Variants in ZCWPW2 observed in about 807,000 individuals in gnomAD.
ZCWPW2 encodes zinc finger CW-type PWWP domain protein 2.
ZCWPW2 carries 45 observed loss-of-function variants against 46.6 expected under a neutral mutation model. The ratio of observed to expected loss-of-function variants is 0.96; its 90% CI spans 0.76 to 1.24. ZCWPW2 has a LOEUF of 1.24. ZCWPW2 is among the 50% of genes most tolerant of loss of function. ZCWPW2 has a pLI of 0.00. For missense variants in ZCWPW2, 429 were observed against 403.9 expected (o/e 1.06, Z -0.53); for synonymous variants, 152 against 137.1 (o/e 1.11, Z -0.76).
At chr3:28,381,268 C>G (rs1298207559) in intron 1 of ZCWPW2, among the ~76,000 whole-genome samples, 2 of 150,870 alleles carry the variant, frequency 1.3e-5, no homozygotes, top group African/African-American at 4.9e-5. Flanking sequence ...TGACTGAAAC[C>G]CTTAACAATA....
chr3:28,482,979 A>C (rs1699481794), intron 5 of ZCWPW2, among the ~76,000 whole-genome samples: 1 of 152,204 alleles, frequency 6.6e-6, no homozygotes, highest in Non-Finnish European at 1.5e-5. Context: ...AATCTTTGGC[A>C]GAGCAGACAT....
At chr3:28,439,596 G>T (rs1697664357) in intron 4 of ZCWPW2, among the ~76,000 whole-genome samples, 1 of 152,040 alleles carries the variant, frequency 6.6e-6, no homozygotes, top group Non-Finnish European at 1.5e-5. Context: ...CACATCTCCT[G>T]AGATCATACA....
intron 8 of ZCWPW2, 136 bp from the exon 9 acceptor site, chr3:28,520,856 A>G: frequency 9.7e-7 from 1 of 1,032,046 alleles, no homozygotes; most frequent in South Asian, 1.7e-5. Context: ...GAAGTCATGT[A>G]TGAAAATTAT....
chr3:28,435,490 T>C (rs1408673213), intron 4 of ZCWPW2, among the ~76,000 whole-genome samples: 2 of 148,624 alleles, frequency 1.3e-5, no homozygotes, highest in African/African-American at 4.9e-5. Context: ...TCTGTCTTTT[T>C]TTTTTTTTTT....
chr3:28,396,348 A>G (rs757099621), intron 2 of ZCWPW2, among the ~76,000 whole-genome samples: 25 of 152,162 alleles, frequency 1.6e-4, no homozygotes, highest in Non-Finnish European at 2.9e-5. Flanking sequence ...TATTTTATTA[A>G]TCACTTCAAG....
chr3:28,356,767 C>A (rs1159783413), intron 1 of ZCWPW2, among the ~76,000 whole-genome samples: 1 of 152,168 alleles, frequency 6.6e-6, no homozygotes, highest in East Asian at 1.9e-4. Context: ...GTAAACCAAA[C>A]ACCGCATGTT....
At chr3:28,380,022 G>A (rs1403822220) in intron 1 of ZCWPW2, among the ~76,000 whole-genome samples, 4 of 151,426 alleles carry the variant, frequency 2.6e-5, no homozygotes, top group South Asian at 4.2e-4. Context: ...TAGCTCTGTC[G>A]CTCAGGCTGG....
intron 1 of ZCWPW2, among the ~76,000 whole-genome samples, chr3:28,380,638 C>G (rs1695013593): frequency 1.3e-5 from 2 of 152,052 alleles, no homozygotes; most frequent in South Asian, 4.2e-4. Flanking sequence ...CACAATCAAC[C>G]ATTTAGTTTT....
At chr3:28,428,835 T>G (rs551738490) in intron 3 of ZCWPW2, among the ~76,000 whole-genome samples, 2 of 152,290 alleles carry the variant, frequency 1.3e-5, no homozygotes, top group East Asian at 1.9e-4. Flanking sequence ...CCTGCTGTCA[T>G]GTGAAGAAGG....
chr3:28,362,304 A>T, intron 1 of ZCWPW2, among the ~76,000 whole-genome samples: 1 of 143,552 alleles, frequency 7.0e-6, no homozygotes, highest in East Asian at 2.0e-4. Flanking sequence ...GTTTCATATT[A>T]TATTATTAAA....
chr3:28,400,382 G>A (rs1695871524), intron 2 of ZCWPW2, among the ~76,000 whole-genome samples: 1 of 152,142 alleles, frequency 6.6e-6, no homozygotes, highest in Admixed American at 6.6e-5. Context: ...AATAATCAAG[G>A]AAAGCTTCTT....
At chr3:28,391,374 CACAT>C (rs947991514) in intron 2 of ZCWPW2, among the ~76,000 whole-genome samples, 1 of 93,424 alleles carries the variant, frequency 1.1e-5, no homozygotes, top group African/African-American at 3.0e-5. Flanking sequence ...CACACACACA[CACAT>C]GCACACACAC....
At chr3:28,451,470 C>T (rs192629925) in intron 4 of ZCWPW2, among the ~76,000 whole-genome samples, 4 of 152,298 alleles carry the variant, frequency 2.6e-5, no homozygotes, top group African/African-American at 4.8e-5. Flanking sequence ...TGTTTTCTCA[C>T]ATTTGTACCT....
chr3:28,484,984 A>C (rs548934360), intron 5 of ZCWPW2, among the ~76,000 whole-genome samples: 1 of 152,154 alleles, frequency 6.6e-6, no homozygotes, highest in East Asian at 1.9e-4. Context: ...CCAAAGTAAA[A>C]GCTTAGATTA....
chr3:28,428,822 T>C (rs752473943), intron 3 of ZCWPW2, among the ~76,000 whole-genome samples: 1 of 152,156 alleles, frequency 6.6e-6, no homozygotes, highest in Non-Finnish European at 1.5e-5. Context: ...CTCACTTCTC[T>C]CTCCTGCTGT....
intron 1 of ZCWPW2, among the ~76,000 whole-genome samples, chr3:28,367,913 C>T (rs2125699124): frequency 1.3e-5 from 2 of 152,238 alleles, no homozygotes; most frequent in East Asian, 3.9e-4. Flanking sequence ...GCCTCTTCGT[C>T]TCTTTTGATC....
chr3:28,434,975 A>T (rs1697423114), intron 3 of ZCWPW2, 135 bp from the exon 4 acceptor site: 10 of 868,712 alleles, frequency 1.2e-5, no homozygotes, highest in Non-Finnish European at 1.7e-5. Context: ...TACCTTTGAA[A>T]GATATAAGTA....
intron 5 of ZCWPW2, among the ~76,000 whole-genome samples, chr3:28,484,745 C>A (rs189565115): frequency 3.3e-4 from 49 of 149,698 alleles, no homozygotes; most frequent in African/African-American, 1.2e-3. Flanking sequence ...TTCCTTCCTG[C>A]CTGCCTTCCT....
chr3:28,405,070 A>G (rs1404291709), intron 2 of ZCWPW2, among the ~76,000 whole-genome samples: 1 of 152,242 alleles, frequency 6.6e-6, no homozygotes, highest in African/African-American at 2.4e-5. Flanking sequence ...ATATATTCTT[A>G]TCACATCTCA....
Sources: allele counts gnomAD v4.1 joint callset (sites outside exome capture counted in the v4.1 genomes callset), GRCh38; gene constraint gnomAD v4.1.1; transcripts MANE v1.5; gene names NCBI Gene and HGNC (gene_info 2026-07-23, HGNC 2026-07-21).